RBFOX1: variants seen among roughly 807,000 people sequenced by gnomAD.
RBFOX1 encodes the protein RNA binding protein fox-1 homolog 1.
RBFOX1 carries 8 observed loss-of-function variants against 57.7 expected under a neutral mutation model. That is an observed-to-expected ratio of 0.14 (90% CI 0.08 to 0.25). The LOEUF is 0.25. Ranked by LOEUF, RBFOX1 falls within the 10% of genes least tolerant of loss-of-function variation. RBFOX1 has a pLI of 1.00. For missense variants in RBFOX1, 611 were observed against 548.5 expected (o/e 1.11, Z -1.14); for synonymous variants, 326 against 222.4 (o/e 1.47, Z -4.15).
chr16:5,592,855 A>C (rs1247075324), intron 2 of RBFOX1, among the ~76,000 whole-genome samples: 1 of 152,116 alleles, frequency 6.6e-6, no homozygotes, highest in African/African-American at 2.4e-5. Flanking sequence ...GGGTCAGAAC[A>C]CTTTAGGGTT....
At chr16:6,855,721 C>G (rs895137489) in intron 3 of RBFOX1, among the ~76,000 whole-genome samples, 1 of 151,806 alleles carries the variant, frequency 6.6e-6, no homozygotes, top group Admixed American at 6.6e-5. Flanking sequence ...GATTGCACTT[C>G]CTAGATTTAT....
intron 3 of RBFOX1, among the ~76,000 whole-genome samples, chr16:7,032,296 T>G (rs897481131): frequency 6.6e-6 from 1 of 151,492 alleles, no homozygotes; most frequent in Non-Finnish European, 1.5e-5. Context: ...ACAAAAAAAT[T>G]TAGCTGGGTG....
At chr16:5,958,776 C>T (rs1466003789) in intron 4 of RBFOX1, among the ~76,000 whole-genome samples, 2 of 152,156 alleles carry the variant, frequency 1.3e-5, no homozygotes, top group African/African-American at 4.8e-5. Flanking sequence ...TTCTGGCACC[C>T]ACCCACATTC....
At chr16:6,401,411 C>A (rs2093062795) in intron 2 of RBFOX1, among the ~76,000 whole-genome samples, 1 of 152,152 alleles carries the variant, frequency 6.6e-6, no homozygotes, top group African/African-American at 2.4e-5. Context: ...TAACTCACAC[C>A]TGTGAAAATG....
intron 4 of RBFOX1, among the ~76,000 whole-genome samples, chr16:5,976,562 T>A (rs1342676567): frequency 6.6e-6 from 1 of 152,154 alleles, no homozygotes; most frequent in African/African-American, 2.4e-5. Context: ...GTCTCTATCC[T>A]GCCATCCTTG....
intron 1 of RBFOX1, among the ~76,000 whole-genome samples, chr16:6,196,644 A>G (rs1480135410): frequency 6.6e-6 from 1 of 152,166 alleles, no homozygotes; most frequent in Non-Finnish European, 1.5e-5. Flanking sequence ...CAGTATCAAC[A>G]TTATTATTTT....
intron 2 of RBFOX1, among the ~76,000 whole-genome samples, chr16:5,530,944 A>C (rs2044449521): frequency 6.9e-5 from 1 of 14,418 alleles, no homozygotes; most frequent in African/African-American, 8.2e-4. Flanking sequence ...AAAAAAAAAA[A>C]AAAAAAAAAA....
intron 3 of RBFOX1, among the ~76,000 whole-genome samples, chr16:6,894,300 T>C (rs1419575134): frequency 5.3e-5 from 8 of 152,222 alleles, no homozygotes. Flanking sequence ...AGGGGTGGTC[T>C]GTTGTGCGTT....
chr16:7,539,147 T>C (rs1047883539), intron 5 of RBFOX1, among the ~76,000 whole-genome samples: 1 of 152,192 alleles, frequency 6.6e-6, no homozygotes, highest in Non-Finnish European at 1.5e-5. Context: ...CTAGGAGATA[T>C]GACAAAGAAT....
At chr16:5,553,683 A>G (rs1316797059) in intron 2 of RBFOX1, among the ~76,000 whole-genome samples, 1 of 62,306 alleles carries the variant, frequency 1.6e-5, no homozygotes, top group Non-Finnish European at 3.7e-5. Flanking sequence ...ATATGTGTGT[A>G]TATACACATA....
At chr16:6,297,594 A>G (rs2078276161) in intron 1 of RBFOX1, among the ~76,000 whole-genome samples, 1 of 152,098 alleles carries the variant, frequency 6.6e-6, no homozygotes, top group Non-Finnish European at 1.5e-5. Context: ...TTCCTTGGCA[A>G]AGGCTTCACC....
chr16:6,396,364 A>G (rs936099545), intron 2 of RBFOX1, among the ~76,000 whole-genome samples: 1 of 152,214 alleles, frequency 6.6e-6, no homozygotes, highest in Admixed American at 6.5e-5. Flanking sequence ...GGAAGGCTAC[A>G]GTCTTACTGA....
chr16:5,960,702 C>A (rs557001660), intron 4 of RBFOX1, among the ~76,000 whole-genome samples: 2 of 152,150 alleles, frequency 1.3e-5, no homozygotes, highest in African/African-American at 4.8e-5. Context: ...TTCAACTTCA[C>A]AGAGCCCAGC....
intron 3 of RBFOX1, among the ~76,000 whole-genome samples, chr16:6,710,650 A>T (rs182949871): frequency 1.3e-5 from 2 of 152,272 alleles, no homozygotes; most frequent in African/African-American, 4.8e-5. Context: ...AATTGTCTCA[A>T]GTATGGCTGA....
intron 2 of RBFOX1, among the ~76,000 whole-genome samples, chr16:6,645,306 T>C (rs2098524772): frequency 6.6e-6 from 1 of 152,186 alleles, no homozygotes; most frequent in African/African-American, 2.4e-5. Context: ...ACTAGTCGGC[T>C]TGAGCATATC....
At chr16:7,056,314 C>G (rs1353505892) in intron 4 of RBFOX1, among the ~76,000 whole-genome samples, 1 of 152,164 alleles carries the variant, frequency 6.6e-6, no homozygotes, top group East Asian at 1.9e-4. Context: ...TCCTCCGTCC[C>G]AAGGTTTGTC....
chr16:6,993,278 G>T (rs1387490513), intron 3 of RBFOX1, among the ~76,000 whole-genome samples: 1 of 152,190 alleles, frequency 6.6e-6, no homozygotes, highest in Non-Finnish European at 1.5e-5. Context: ...CATGTTTGTT[G>T]TTCAAATGAG....
Position 5,553,619 on chromosome 16 carries a change from C to A in RBFOX1, c.259-45283C>A, listed in dbSNP as rs115907193. ...CGTGAGCCACCACGCCCAGCCATGT[C>A]TGAATATTTTAAAACTGTGCAGTAA... On this transcript the variant is annotated intron_variant, in intron 2 of 2. Transcript: ENST00000585867. Among the ~76,000 whole-genome samples the A allele has an allele frequency of 3.9e-3, 586 of 149,446 alleles. 1 individual carries two copies. The highest frequency in any genetic ancestry group is 0.014 in the African/African-American group (558 of 40,044).
chr16:7,542,413 C>T (rs1044515949), intron 5 of RBFOX1, among the ~76,000 whole-genome samples: 1 of 151,970 alleles, frequency 6.6e-6, no homozygotes, highest in Non-Finnish European at 1.5e-5. Context: ...GGTGAAATTC[C>T]AGTTGATTTA....
Sources: allele counts gnomAD v4.1 joint callset (sites outside exome capture counted in the v4.1 genomes callset), GRCh38; gene constraint gnomAD v4.1.1; transcripts MANE v1.5; gene names NCBI Gene and HGNC (gene_info 2026-07-23, HGNC 2026-07-21).